FLYWCH1: variants seen among roughly 807,000 people sequenced by gnomAD.
FLYWCH1 encodes FLYWCH-type zinc finger 1, also known as FLYWCH-type zinc finger-containing protein 1.
FLYWCH1 carries 75 observed loss-of-function variants against 66.4 expected under a neutral mutation model. The ratio of observed to expected loss-of-function variants is 1.13; its 90% CI spans 0.94 to 1.37. The LOEUF (loss-of-function observed/expected upper bound fraction) is 1.37. Ranked by LOEUF, FLYWCH1 falls within the 40% of genes most tolerant of loss-of-function variation. FLYWCH1 has a pLI of 0.00. For synonymous variants in FLYWCH1, 595 were observed against 429.9 expected, an observed-to-expected ratio of 1.38 and a Z score of -4.75; for missense variants, 1,334 against 1,001.8, an observed-to-expected ratio of 1.33 and a Z score of -4.48.
At chr16:2,912,722 C>G (rs1028890659) in intron 1 of FLYWCH1, among the ~76,000 whole-genome samples, 1 of 152,186 alleles carries the variant, frequency 6.6e-6, no homozygotes, top group Admixed American at 6.5e-5. Context: ...CCGTTCCATT[C>G]TCTTCCACCC....
Position 2,933,875 on chromosome 16 carries a change from G to T in FLYWCH1, c.1409G>T (p.Arg470Leu). ...AGCCGCGCCATCACCCAGGGCCGAC[G>T]GGTGACTGTCATGCGTGGTCACTGC... The part of the protein sequence containing the change: ...CRSRAITQGR[R>L]VTVMRGHCHP... Residue 470 changes from arginine to leucine, a missense_variant, in exon 6 of 10, where the codon CGG becomes CTG. Transcript: ENST00000253928. The T allele has an allele frequency of 3.1e-6, 5 of 1,598,678 alleles. No homozygotes were observed. Among genetic ancestry groups the T allele is most frequent in the East Asian group, 2.3e-5 (1 of 44,030 alleles).
At chr16:2,945,564 C>T (rs1476760797) in intron 9 of FLYWCH1, among the ~76,000 whole-genome samples, 2 of 146,544 alleles carry the variant, frequency 1.4e-5, no homozygotes, top group Non-Finnish European at 3.0e-5. Context: ...GCTGAGGCTG[C>T]AGTGCACTGA....
intron 7 of FLYWCH1, among the ~76,000 whole-genome samples, chr16:2,937,655 CAGAG>C (rs1222602196): frequency 3.9e-5 from 6 of 152,138 alleles, no homozygotes. Flanking sequence ...TTGGCAGCCA[CAGAG>C]AGTGCTTGGC....
intron 2 of FLYWCH1, among the ~76,000 whole-genome samples, chr16:2,917,480 C>G (rs940262974): frequency 3.3e-5 from 5 of 152,126 alleles, no homozygotes; most frequent in Non-Finnish European, 5.9e-5. Flanking sequence ...CCGCCCATCT[C>G]AGCCTCCCAA....
intron 1 of FLYWCH1, chr16:2,913,169 C>G (rs2070049556): frequency 6.6e-6 from 1 of 152,126 alleles, no homozygotes; most frequent in South Asian, 2.1e-4. Flanking sequence ...CCTGTCAGCA[C>G]CCTATGTGGA....
rs368108426 is a variant in FLYWCH1 at position 2,933,332 on chromosome 16, C to T, written c.999C>T (p.Pro333=). 47 of 1,608,934 alleles carry T rather than the reference C, an allele frequency of 2.9e-5. No individual in the cohort carries two copies. The highest frequency in any genetic ancestry group is 3.6e-5 in the Non-Finnish European group (42 of 1,178,184). The change falls in exon 5 of 10, where the codon CCC becomes CCT. Residue 333 remains proline, a synonymous_variant. Coordinates refer to ENST00000253928, the MANE Select transcript of FLYWCH1 (RefSeq NM_001308068.2). The part of the protein sequence containing the change: ...VTVMRGHCHQ[P]DMEGLEARRQ... Reference sequence around the variant, plus strand: ...TGATGCGTGGGCACTGCCACCAGCCCGATATGGAGGGCCTGGAAGCCCGGC... The same window carrying T: ...TGATGCGTGGGCACTGCCACCAGCCTGATATGGAGGGCCTGGAAGCCCGGC...
At chr16:2,937,700 G>T (rs1267113234) in intron 7 of FLYWCH1, among the ~76,000 whole-genome samples, 2 of 152,148 alleles carry the variant, frequency 1.3e-5, no homozygotes, top group African/African-American at 4.8e-5. Context: ...GTGGATCCTG[G>T]ACACTCTTGG....
intron 2 of FLYWCH1, among the ~76,000 whole-genome samples, chr16:2,919,297 G>A (rs1596355310): frequency 7.1e-6 from 1 of 140,298 alleles, no homozygotes; most frequent in African/African-American, 2.7e-5. Flanking sequence ...ACGGAGTCTT[G>A]CTTTGTCTCC....
Position 2,933,222 on chromosome 16 carries a change from G to C in FLYWCH1, c.889G>C (p.Gly297Arg). Residue 297 changes from glycine (G) to arginine (R), a missense_variant, in exon 5 of 10, where the codon GGG becomes CGG. By Grantham distance (125) the Gly-to-Arg change is moderately radical. Coordinates refer to ENST00000253928, the MANE Select transcript of FLYWCH1 (RefSeq NM_001308068.2). ...CCTCTACAAGCGGGAGAAGGCTGTC[G>C]GGGACAAGGTGTATTGGACCTGCCG... ...SFLYKREKAV[G>R]DKVYWTCRDH... The C allele has an allele frequency of 6.2e-7, 1 of 1,613,618 alleles. No homozygotes were observed. Among genetic ancestry groups the C allele is most frequent in the Non-Finnish European group, 8.5e-7 (1 of 1,179,814 alleles).
intron 9 of FLYWCH1, among the ~76,000 whole-genome samples, chr16:2,946,338 T>TC (rs1357221187): frequency 1.3e-5 from 2 of 148,342 alleles, no homozygotes; most frequent in African/African-American, 2.5e-5. Context: ...TTTTTTTTTT[T>TC]TGAGATGGAG....
chr16:2,918,895 A>G (rs2070269275), intron 2 of FLYWCH1, among the ~76,000 whole-genome samples: 1 of 152,332 alleles, frequency 6.6e-6, no homozygotes, highest in South Asian at 2.1e-4. Flanking sequence ...TTTGGAAACA[A>G]AAACTTGTTT....
At chr16:2,948,562 C>G (rs973997972) in intron 9 of FLYWCH1, 126 bp from the exon 10 acceptor site, 80 of 1,009,624 alleles carry the variant, frequency 7.9e-5, no homozygotes, top group South Asian at 1.8e-4. Flanking sequence ...GATTCCGTCT[C>G]AAAAATAAAT....
intron 6 of FLYWCH1, chr16:2,934,824 G>T (rs1771611910): frequency 3.1e-6 from 1 of 321,002 alleles, no homozygotes; most frequent in South Asian, 2.4e-5. Flanking sequence ...TGTTTCTTAG[G>T]GTCTTGGCTG....
Position 2,929,795 on chromosome 16 carries a change from G to A in FLYWCH1, c.110G>A (p.Arg37Lys), listed in dbSNP as rs377382334. Residue 37 changes from arginine to lysine, a missense_variant, in exon 3 of 10, where the codon AGG becomes AAG. Arg to Lys is a conservative substitution (Grantham distance 26). Coordinates refer to ENST00000253928, the MANE Select transcript of FLYWCH1 (RefSeq NM_001308068.2). The stretch of plus-strand genomic sequence containing the variant: ...ATCCCGGCAGCCCCCAGGAAGCCCA[G>A]GGAGTTCTCCAAACTGGTGCTGCTC... The part of the protein sequence containing the change: ...DVIPAAPRKP[R>K]EFSKLVLLTA... 1.2e-6 allele frequency: 2 copies of A among 1,613,844 alleles called. No individual in the cohort carries two copies. The highest frequency in any genetic ancestry group is 2.7e-5 in the African/African-American group (2 of 74,918).
rs1355533382 is a variant in FLYWCH1 at position 2,938,276 on chromosome 16, G to A, written c.1870G>A (p.Gly624Arg). The change falls in exon 8 of 10, where the codon GGG (glycine) becomes AGG (arginine). Residue 624 changes from glycine to arginine, a missense_variant. Physicochemically the swap from Gly to Arg is moderately radical, Grantham distance 125. Transcript: ENST00000253928. ...CCTCTACAGGAAGGAGAAGGCGGCT[G>A]GGGAGAAGGTGTACTGGATGTGCCG... ...SFLYRKEKAA[G>R]EKVYWMCRDQ... The A allele has an allele frequency of 1.9e-6, 3 of 1,612,738 alleles. No individual in the cohort carries two copies. The highest frequency in any genetic ancestry group is 1.3e-5 in the African/African-American group (1 of 74,922).
In FLYWCH1 at chr16:2,945,533, G is replaced by A. The variant is rs560072709; in HGVS notation, c.2112-3155G>A. ...TAGCCAGGCATGGTGGCACACACCTGTAATCCCAGCTACTTGGGAAGCTGA... is the reference window on the plus strand; with the variant it reads ...TAGCCAGGCATGGTGGCACACACCTATAATCCCAGCTACTTGGGAAGCTGA... On this transcript the variant is annotated intron_variant, in intron 9 of 9. Coordinates refer to ENST00000253928, the MANE Select transcript of FLYWCH1 (RefSeq NM_001308068.2). 2.7e-5 allele frequency among the ~76,000 whole-genome samples: 4 copies of A among 145,972 alleles called. No homozygotes were observed. The South Asian group carries it at 8.8e-4, about 32-fold the overall frequency.
In FLYWCH1 at chr16:2,930,516, C is replaced by T; in HGVS notation, c.432C>T (p.Tyr144=). ...AGAAGGCAGTGGGGGACAAGGTGTA[C>T]TGGAAGTGCCGCCAACATGCTGAGC... ...KQEKAVGDKV[Y]WKCRQHAELG... The change falls in exon 4 of 10, where the codon TAC becomes TAT. Residue 144 remains tyrosine (Y), a synonymous_variant. Transcript: ENST00000253928. 3.2e-6 allele frequency: 5 copies of T among 1,543,200 alleles called. No homozygotes were observed. Among genetic ancestry groups the T allele is most frequent in the Middle Eastern group, 1.7e-4 (1 of 5,884 alleles).
In FLYWCH1 at chr16:2,930,734, A is replaced by T; in HGVS notation, c.650A>T (p.Glu217Val). Residue 217 changes from glutamate to valine, a missense_variant, in exon 4 of 10, where the codon GAG becomes GTG. Transcript: ENST00000253928. ...GGAGGCCGAGTGGAGGAGCCCCTGG[A>T]GGGGGTGGGCCCGTGGCAGTGCCCT... is the stretch of plus-strand genomic sequence containing the variant. ...GPGGRVEEPL[E>V]GVGPWQCPEE... The T allele has an allele frequency of 6.4e-7, 1 of 1,553,656 alleles. No homozygotes were observed. The highest frequency in any genetic ancestry group is 8.7e-7 in the Non-Finnish European group (1 of 1,154,032).
chr16:2,921,417 G>A (rs765949364), intron 2 of FLYWCH1, among the ~76,000 whole-genome samples: 3 of 152,028 alleles, frequency 2.0e-5, no homozygotes, highest in African/African-American at 7.3e-5. Flanking sequence ...ACAGGGAAGC[G>A]GGTGAGAAGA....
Sources: gnomAD v4.1 joint callset for allele counts (sites outside exome capture counted in the v4.1 genomes callset) on GRCh38, gnomAD v4.1.1 for gene constraint, MANE v1.5 for transcripts, NCBI Gene and HGNC (gene_info 2026-07-23, HGNC 2026-07-21) for gene names.